PIKFYVE: variants seen among roughly 807,000 people sequenced by gnomAD.
PIKFYVE encodes phosphoinositide kinase, FYVE-type zinc finger containing.
Under a neutral mutation model 257.9 loss-of-function variants are expected in PIKFYVE, and 122 were observed. The observed-to-expected ratio is 0.47, with a 90% CI of 0.41 to 0.55. The LOEUF (loss-of-function observed/expected upper bound fraction) is 0.55. Ranked by LOEUF, PIKFYVE falls within the 20% of genes least tolerant of loss-of-function variation. The pLI, the probability that PIKFYVE is intolerant of heterozygous loss-of-function variation, is 0.00. For missense variants in PIKFYVE, 2,160 were observed against 2,536.6 expected, an observed-to-expected ratio of 0.85 and a Z score of 3.19; for synonymous variants, 892 against 868.9, an observed-to-expected ratio of 1.03 and a Z score of -0.47.
intron 3 of PIKFYVE, 107 bp from the exon 4 acceptor site, chr2:208,276,605 A>C: frequency 3.6e-6 from 3 of 836,008 alleles, no homozygotes; most frequent in Non-Finnish European, 6.3e-6. Context: ...GTGGGAGAAC[A>C]TAATTATATG....
chr2:208,342,418 T>C, intron 31 of PIKFYVE, 136 bp from the exon 32 acceptor site: 3 of 673,240 alleles, frequency 4.5e-6, no homozygotes, highest in Non-Finnish European at 7.6e-6. Flanking sequence ...TCTAATTGCC[T>C]TCAAAAACTT....
At position 208,354,556 on chromosome 2, in the gene PIKFYVE, C is replaced by G. The variant is rs1700041190; in HGVS notation, c.6107-15C>G. ...ACATAGCTTTATTGCTAATTTCACT[C>G]CTTCTACCCCCCAGATTATATTCGA... On this transcript the variant is annotated splice_polypyrimidine_tract_variant and intron_variant, in intron 40 of 41. Transcript: ENST00000264380. 6.3e-7 allele frequency: 1 copy of G among 1,597,198 alleles called. No homozygotes were observed. Among genetic ancestry groups the G allele is most frequent in the South Asian group, 1.1e-5 (1 of 90,770 alleles).
intron 7 of PIKFYVE, among the ~76,000 whole-genome samples, chr2:208,290,457 C>A (rs553558236): frequency 6.6e-6 from 1 of 152,198 alleles, no homozygotes; most frequent in Non-Finnish European, 1.5e-5. Flanking sequence ...CTTGATAGCT[C>A]ATTTCTAAGT....
In PIKFYVE at chr2:208,288,800, A is replaced by G. The variant is rs767568475; in HGVS notation, c.893A>G (p.Lys298Arg). 18 of 1,613,968 alleles carry G rather than the reference A, an allele frequency of 1.1e-5. No individual in the cohort carries two copies. In the African/African-American group the frequency reaches 2.1e-4, roughly 19 times the overall value. ...GTATCTGTGCAAGAGGATGCTGGGAAATCTCCTGCTCGAAATAGGTAAACT... is the reference window on the plus strand; with the variant it reads ...GTATCTGTGCAAGAGGATGCTGGGAGATCTCCTGCTCGAAATAGGTAAACT... ...RLVSVQEDAGKSPARNRSASI... is the reference protein window; with the variant it reads ...RLVSVQEDAGRSPARNRSASI... The change falls in exon 7 of 42, where the codon AAA becomes AGA. Residue 298 changes from lysine (K) to arginine (R), a missense_variant. Lys to Arg is a conservative substitution (Grantham distance 26). Transcript: ENST00000264380.
At chr2:208,293,217 C>T (rs531399264) in intron 7 of PIKFYVE, among the ~76,000 whole-genome samples, 10 of 152,072 alleles carry the variant, frequency 6.6e-5, no homozygotes, top group African/African-American at 2.4e-4. Context: ...ATTTTTCCCT[C>T]CCATCTGTTG....
rs187770188 is a variant in PIKFYVE, at chr2:208,345,993, A to G, written c.5112-57A>G. The G allele has an allele frequency of 3.9e-6, 5 of 1,276,702 alleles. No individual in the cohort carries two copies. In the East Asian group the frequency reaches 7.1e-5, roughly 18 times the overall value. The allele number at this position is 1,276,702 out of a possible 1,614,324, so 79.1% of individuals were successfully genotyped here. On this transcript the variant is annotated intron_variant, in intron 33 of 41. Coordinates refer to ENST00000264380, the MANE Select transcript of PIKFYVE (RefSeq NM_015040.4). ...GCGTAATTAGTGTAGAGTACTTACT[A>G]TTTTCTGTTTGACTTGTATAAAACT...
At chr2:208,301,177 T>C in intron 9 of PIKFYVE, 83 bp downstream of exon 9, 1 of 1,538,006 alleles carries the variant, frequency 6.5e-7, no homozygotes, top group Non-Finnish European at 8.9e-7. Flanking sequence ...AGTTACAGAT[T>C]TCTTTGTAGA....
chr2:208,296,391 C>A (rs1318471774), intron 7 of PIKFYVE, among the ~76,000 whole-genome samples: 1 of 152,144 alleles, frequency 6.6e-6, no homozygotes, highest in African/African-American at 2.4e-5. Context: ...AGAAAGACAT[C>A]AAAGGTGACT....
chr2:208,335,437 T>C lies in PIKFYVE; in HGVS notation c.4256+18T>C. 1 of 1,494,606 alleles carries C rather than the reference T, an allele frequency of 6.7e-7. No homozygotes were observed. Among genetic ancestry groups the C allele is most frequent in the Non-Finnish European group, 9.3e-7 (1 of 1,072,398 alleles). The allele number at this position is 1,494,606 out of a possible 1,614,324, so 92.6% of individuals were successfully genotyped here. ...TTTCAAAAGTAAGTTCAGTTTCTTT[T>C]ATCATCTTTTTTTGTTTATTTACAG... On this transcript the variant is annotated intron_variant, in intron 25 of 41. Transcript: ENST00000264380.
chr2:208,328,214 T>A lies in PIKFYVE; in HGVS notation c.3653T>A (p.Leu1218His). 1 of 1,613,890 alleles carries A rather than the reference T, an allele frequency of 6.2e-7. No individual in the cohort carries two copies. The highest frequency in any genetic ancestry group is 8.5e-7 in the Non-Finnish European group (1 of 1,179,864). Residue 1218 changes from leucine (L) to histidine (H), a missense_variant, in exon 21 of 42, where the codon CTT becomes CAT. By Grantham distance (99) the Leu-to-His change is moderately conservative. Transcript: ENST00000264380. ...CTGAATCCCATTAATCACCAGAGAC[T>A]TTGTGTGCTCTTCAGCAGCTCTTCT... Reference protein sequence around the residue: ...DCLNPINHQRLCVLFSSSSAQ... With the variant: ...DCLNPINHQRHCVLFSSSSAQ...
rs1017431110 is a variant in PIKFYVE, at chr2:208,268,066, A to G, written c.-10+1651A>G. Among the ~76,000 whole-genome samples the G allele has an allele frequency of 3.3e-5, 5 of 152,232 alleles. No individual in the cohort carries two copies. In the East Asian group the frequency reaches 9.6e-4, roughly 29 times the overall value. On this transcript the variant is annotated intron_variant, in intron 1 of 41. Coordinates refer to ENST00000264380, the MANE Select transcript of PIKFYVE (RefSeq NM_015040.4). ...GGTAGGTAGGTTAATAGGACTGATT[A>G]CCACTCAGGAAAGAGTCCTAATTTA...
In PIKFYVE at chr2:208,328,194, T is replaced by A. The variant is rs778296838; in HGVS notation, c.3633T>A (p.Asn1211Lys). Reference sequence around the variant, plus strand: ...TTCTATTTCAGGTGGACTGTCTGAATCCCATTAATCACCAGAGACTTTGTG... The same window carrying A: ...TTCTATTTCAGGTGGACTGTCTGAAACCCATTAATCACCAGAGACTTTGTG... Reference protein sequence around the residue: ...AVWSTKVDCLNPINHQRLCVL... With the variant: ...AVWSTKVDCLKPINHQRLCVL... The change falls in exon 21 of 42, where the codon AAT becomes AAA. Residue 1211 changes from asparagine to lysine, a missense_variant. Coordinates refer to ENST00000264380, the MANE Select transcript of PIKFYVE (RefSeq NM_015040.4). The A allele has an allele frequency of 4.3e-6, 7 of 1,613,714 alleles. No individual in the cohort carries two copies. The South Asian group carries it at 7.7e-5, about 18-fold the overall frequency.
At chr2:208,311,215 C>T (rs1694900972) in intron 12 of PIKFYVE, among the ~76,000 whole-genome samples, 1 of 152,092 alleles carries the variant, frequency 6.6e-6, no homozygotes, top group Non-Finnish European at 1.5e-5. Flanking sequence ...AAGAACAATA[C>T]ATTAATTGAA....
At position 208,355,547 on chromosome 2, in the gene PIKFYVE, A is replaced by T; in HGVS notation, c.*242A>T. ...AGTGGCATGAAAATTTTCTTAAGCT[A>T]AAATACAGACATGTTTCAAAGGGCT... On this transcript the variant is annotated 3_prime_UTR_variant, in exon 42 of 42. Transcript: ENST00000264380. 2.2e-6 allele frequency: 1 copy of T among 447,030 alleles called. No homozygotes were observed. Among genetic ancestry groups the T allele is most frequent in the Non-Finnish European group, 4.1e-6 (1 of 245,514 alleles). 27.7% of individuals were successfully genotyped at this position (447,030 alleles called of 1,614,324 possible).
chr2:208,333,164 G>T (rs1322167892), intron 23 of PIKFYVE, 151 bp from the exon 24 acceptor site: 3 of 709,020 alleles, frequency 4.2e-6, no homozygotes, highest in African/African-American at 3.6e-5. Context: ...AACCTGAGAG[G>T]CGGAGCTTGC....
At chr2:208,279,032 T>C (rs1690467920) in intron 5 of PIKFYVE, among the ~76,000 whole-genome samples, 1 of 152,200 alleles carries the variant, frequency 6.6e-6, no homozygotes, top group African/African-American at 2.4e-5. Context: ...CAGCAGTGTA[T>C]AAGCATTCTC....
At chr2:208,316,463 C>T (rs1695529493) in intron 15 of PIKFYVE, among the ~76,000 whole-genome samples, 1 of 152,006 alleles carries the variant, frequency 6.6e-6, no homozygotes, top group Admixed American at 6.6e-5. Flanking sequence ...CTGACTTCCA[C>T]AATGGTTGAA....
At chr2:208,289,757 G>A (rs1280548910) in intron 7 of PIKFYVE, among the ~76,000 whole-genome samples, 1 of 152,002 alleles carries the variant, frequency 6.6e-6, no homozygotes, top group Non-Finnish European at 1.5e-5. Flanking sequence ...ATACAGAGAT[G>A]GGGTTTCACT....
chr2:208,352,954 G>C (rs1232563010), intron 39 of PIKFYVE, among the ~76,000 whole-genome samples, 172 bp downstream of exon 39: 1 of 152,108 alleles, frequency 6.6e-6, no homozygotes, highest in African/African-American at 2.4e-5. Context: ...GAATGAAGAG[G>C]AATTATTCTT....
Sources: gnomAD v4.1 joint callset for allele counts (sites outside exome capture counted in the v4.1 genomes callset) on GRCh38, gnomAD v4.1.1 for gene constraint, MANE v1.5 for transcripts, NCBI Gene and HGNC (gene_info 2026-07-23, HGNC 2026-07-21) for gene names.